The following SOX5 variants were observed in gnomAD, a reference collection of about 807,000 sequenced individuals.
SOX5 encodes transcription factor SOX-5.
A neutral mutation model predicts 92.0 loss-of-function variants in SOX5; 9 were observed. The ratio of observed to expected loss-of-function variants is 0.10; its 90% CI spans 0.06 to 0.17. SOX5 has a LOEUF of 0.17. Among genes scored for constraint, SOX5 ranks in the 10% least tolerant of loss-of-function variants. SOX5 has a pLI of 1.00. For missense variants in SOX5, 642 were observed against 944.5 expected (o/e 0.68, Z 4.20); for synonymous variants, 344 against 336.3 (o/e 1.02, Z -0.25).
chr12:24,361,589 A>G (rs1473076017), intron 2 of SOX5, among the ~76,000 whole-genome samples: 1 of 151,844 alleles, frequency 6.6e-6, no homozygotes, highest in Non-Finnish European at 1.5e-5. Context: ...GTGAACCAAC[A>G]GTGATGAGGC....
At chr12:23,715,632 C>T (rs1204242662) in intron 6 of SOX5, among the ~76,000 whole-genome samples, 3 of 152,004 alleles carry the variant, frequency 2.0e-5, no homozygotes, top group African/African-American at 7.2e-5. Context: ...CTAAATACAG[C>T]TATGCCAGAT....
At chr12:23,956,774 C>T (rs1444559527) in intron 4 of SOX5, among the ~76,000 whole-genome samples, 4 of 152,106 alleles carry the variant, frequency 2.6e-5, no homozygotes, top group Non-Finnish European at 5.9e-5. Context: ...CAACCTCCAC[C>T]TCCTGGGTTC....
In SOX5 at chr12:23,530,377, G is replaced by T. The variant is rs1414688002; in HGVS notation, c.*3842C>A. 1 of 152,108 alleles carries T rather than the reference G, an allele frequency of 6.6e-6. No homozygotes were observed. Among genetic ancestry groups the T allele is most frequent in the Non-Finnish European group, 1.5e-5 (1 of 68,014 alleles). 9.4% of individuals were successfully genotyped at this position (152,108 alleles called of 1,614,324 possible). On this transcript the variant is annotated 3_prime_UTR_variant, in exon 15 of 15. Transcript: ENST00000451604. ...AATATCTGAAGTTGGACCAAAAAATGGTTAATTTTCTTTAAGTGAATTAAG... is the reference window on the plus strand; with the variant it reads ...AATATCTGAAGTTGGACCAAAAAATTGTTAATTTTCTTTAAGTGAATTAAG...
At chr12:24,345,384 C>T (rs1213901339) in intron 2 of SOX5, among the ~76,000 whole-genome samples, 1 of 152,198 alleles carries the variant, frequency 6.6e-6, no homozygotes, top group Non-Finnish European at 1.5e-5. Context: ...AGTTCTTGGT[C>T]CATGAACCCT....
chr12:23,558,793 G>A (rs959192977), intron 11 of SOX5, among the ~76,000 whole-genome samples: 2 of 152,060 alleles, frequency 1.3e-5, no homozygotes, highest in African/African-American at 4.8e-5. Context: ...AGTAGAGACG[G>A]GGTTTCTCCG....
At chr12:23,954,494 C>T (rs1251464037), upstream of SOX5, among the ~76,000 whole-genome samples, 2 of 151,958 alleles carry the variant, frequency 1.3e-5, no homozygotes, top group East Asian at 3.9e-4. Context: ...AAACTTCCAA[C>T]CAATATACAT....
intron 4 of SOX5, among the ~76,000 whole-genome samples, chr12:24,161,324 C>T (rs1272621788): frequency 6.6e-6 from 1 of 152,072 alleles, no homozygotes; most frequent in East Asian, 1.9e-4. Flanking sequence ...TTATAAGTCC[C>T]ACTCTCCATC....
In SOX5 at chr12:24,393,830, A is replaced by T. The variant is rs1293193654; in HGVS notation, c.-250-25191T>A. 6.6e-6 allele frequency among the ~76,000 whole-genome samples: 1 copy of T among 152,180 alleles called. No homozygotes were observed. The highest frequency in any genetic ancestry group is 1.5e-5 in the Non-Finnish European group (1 of 68,036). On this transcript the variant is annotated intron_variant, in intron 1 of 4. Transcript: ENST00000446891. The surrounding 1 kb of genome is among the most constrained non-coding windows in gnomAD (Gnocchi z 5.0). ...ATATTACATATGCAATACAACACAT[A>T]CCTCTTTCTTCAAAAGTTTAAAAGA...
rs922205455 is a variant in SOX5 at position 23,727,020 on chromosome 12, G to C, written c.810+7664C>G. On this transcript the variant is annotated intron_variant, in intron 6 of 14. Coordinates refer to ENST00000451604, the MANE Select transcript of SOX5 (RefSeq NM_006940.6). The stretch of plus-strand genomic sequence containing the variant: ...CATACTGCAAAGATTGTAGAAGAAA[G>C]AAACACAGAAATGGGAAAACAGGAA... Among the ~76,000 whole-genome samples, 134 of 152,106 alleles carry C rather than the reference G, an allele frequency of 8.8e-4. 1 individual carries two copies. Among genetic ancestry groups the C allele is most frequent in the Non-Finnish European group, 4.3e-4 (29 of 67,998 alleles).
In SOX5 at chr12:23,917,858, A is replaced by G. The variant is rs377018677; in HGVS notation, c.39-21834T>C. 1.6e-4 allele frequency among the ~76,000 whole-genome samples: 25 copies of G among 152,324 alleles called. 1 individual carries two copies. In the South Asian group the frequency reaches 4.8e-3, roughly 29 times the overall value. On this transcript the variant is annotated intron_variant, in intron 1 of 14. Coordinates refer to ENST00000451604, the MANE Select transcript of SOX5 (RefSeq NM_006940.6). Reference sequence around the variant, plus strand: ...CAACAGAATGTAATGGGTCTCATTTAAAAGTACAACATGTTGGGAAATGGA... The same window carrying G: ...CAACAGAATGTAATGGGTCTCATTTGAAAGTACAACATGTTGGGAAATGGA...
chr12:24,079,125 A>C (rs1449704844), intron 4 of SOX5, among the ~76,000 whole-genome samples: 1 of 151,860 alleles, frequency 6.6e-6, no homozygotes, highest in Non-Finnish European at 1.5e-5. Context: ...AATGATGAAA[A>C]GACATGGCAT....
At chr12:23,612,006 G>A (rs1369354119) in intron 8 of SOX5, among the ~76,000 whole-genome samples, 1 of 151,508 alleles carries the variant, frequency 6.6e-6, no homozygotes, top group Admixed American at 6.6e-5. Context: ...GATTCCTAAA[G>A]ATAATTTGTG....
At chr12:24,297,481 C>T (rs1002275514) in intron 2 of SOX5, among the ~76,000 whole-genome samples, 7 of 152,208 alleles carry the variant, frequency 4.6e-5, no homozygotes, top group African/African-American at 1.2e-4. Context: ...AAGTGGTCCA[C>T]GAGCTAAATT....
intron 7 of SOX5, among the ~76,000 whole-genome samples, chr12:23,642,088 C>T (rs2080146288): frequency 6.6e-6 from 1 of 152,066 alleles, no homozygotes; most frequent in South Asian, 2.1e-4. Flanking sequence ...TTATATTTGT[C>T]ATATATTTTT....
chr12:23,883,890 A>G (rs2097029290), intron 2 of SOX5, among the ~76,000 whole-genome samples: 1 of 152,192 alleles, frequency 6.6e-6, no homozygotes, highest in African/African-American at 2.4e-5. Context: ...TTTGACTGAG[A>G]GATAATATCT....
chr12:24,355,236 A>G (rs974386538), intron 2 of SOX5, among the ~76,000 whole-genome samples: 22 of 147,086 alleles, frequency 1.5e-4, no homozygotes, highest in African/African-American at 5.4e-4. Context: ...CTCATCACCA[A>G]TATCACCTGG....
chr12:24,260,450 A>G (rs147814059), intron 3 of SOX5, among the ~76,000 whole-genome samples: 24 of 152,360 alleles, frequency 1.6e-4, no homozygotes, highest in African/African-American at 5.8e-4. Flanking sequence ...CACAGTGAGC[A>G]TGTAATAAAT....
chr12:24,252,147 A>G (rs1391297637), intron 3 of SOX5, among the ~76,000 whole-genome samples: 2 of 152,194 alleles, frequency 1.3e-5, no homozygotes, highest in Non-Finnish European at 2.9e-5. Context: ...AAATGAGCAC[A>G]TTCCTTAGAA....
chr12:23,657,408 C>T (rs1389660284), intron 7 of SOX5, among the ~76,000 whole-genome samples: 5 of 152,104 alleles, frequency 3.3e-5, no homozygotes, highest in East Asian at 1.9e-4. Flanking sequence ...TAAGTCCTTA[C>T]GGAAAATATA....
Sources: gnomAD v4.1 joint callset for allele counts (sites outside exome capture counted in the v4.1 genomes callset) on GRCh38, gnomAD v4.1.1 for gene constraint, Gnocchi (gnomAD v3.1) non-coding constraint, MANE v1.5 for transcripts, NCBI Gene and HGNC (gene_info 2026-07-23, HGNC 2026-07-21) for gene names.